The following EXOC6 variants were observed in gnomAD, a reference collection of about 807,000 sequenced individuals.
EXOC6 encodes exocyst complex component 6, also known as SEC15-like 1.
A neutral mutation model predicts 112.5 loss-of-function variants in EXOC6; 60 were observed. The observed-to-expected ratio is 0.53, with a 90% confidence interval of 0.43 to 0.66. EXOC6 has a LOEUF of 0.66. Ranked by LOEUF, EXOC6 falls within the 30% of genes least tolerant of loss-of-function variation. The probability of loss-of-function intolerance (pLI) is 0.00; values close to 1 mark genes in which losing one functional copy is unlikely to be tolerated. For missense variants in EXOC6, 855 were observed against 957.1 expected (o/e 0.89, Z 1.41); for synonymous variants, 295 against 308.0 (o/e 0.96, Z 0.44).
chr10:92,991,189 G>C (rs1843224584), intron 18 of EXOC6, among the ~76,000 whole-genome samples: 1 of 150,622 alleles, frequency 6.6e-6, no homozygotes, highest in African/African-American at 2.4e-5. Context: ...TGTAATCCCA[G>C]CACTTTGGGA....
At chr10:92,893,897 G>A (rs1161314407) in intron 2 of EXOC6, among the ~76,000 whole-genome samples, 1 of 152,068 alleles carries the variant, frequency 6.6e-6, no homozygotes, top group Admixed American at 6.6e-5. Flanking sequence ...TATGTTCTCA[G>A]CATTATTTAA....
chr10:92,958,562 C>T (rs992187843), intron 17 of EXOC6, among the ~76,000 whole-genome samples: 2 of 152,174 alleles, frequency 1.3e-5, no homozygotes, highest in Non-Finnish European at 2.9e-5. Flanking sequence ...AGTAAATTGT[C>T]TTTAAGGGCT....
chr10:92,904,142 T>G (rs553472977), intron 5 of EXOC6, among the ~76,000 whole-genome samples: 1 of 152,114 alleles, frequency 6.6e-6, no homozygotes, highest in African/African-American at 2.4e-5. Context: ...TGATAACTTA[T>G]TTCTTTTTTA....
At chr10:93,018,877 AGACCCT>A (rs1289671424) in intron 20 of EXOC6, among the ~76,000 whole-genome samples, 1 of 151,778 alleles carries the variant, frequency 6.6e-6, no homozygotes, top group Non-Finnish European at 1.5e-5. Flanking sequence ...AAAAAATAAA[AGACCCT>A]GACAAATGCT....
intron 19 of EXOC6, among the ~76,000 whole-genome samples, chr10:93,003,194 T>G (rs911849224): frequency 6.6e-6 from 1 of 152,216 alleles, no homozygotes; most frequent in African/African-American, 2.4e-5. Flanking sequence ...TATTTTCCCA[T>G]TCTTGTTACT....
chr10:92,936,637 C>A (rs1268429457), intron 12 of EXOC6, among the ~76,000 whole-genome samples: 4 of 152,148 alleles, frequency 2.6e-5, no homozygotes, highest in Admixed American at 1.3e-4. Context: ...TAAGATTTTT[C>A]TTTTTATTGG....
Position 92,899,660 on chromosome 10 carries a change from T to C in EXOC6, c.458+16T>C, listed in dbSNP as rs762651318. 3.1e-6 allele frequency: 5 copies of C among 1,596,650 alleles called. No homozygotes were observed. Among genetic ancestry groups the C allele is most frequent in the East Asian group, 4.5e-5 (2 of 44,518 alleles). ...GTGCCAAAAGGTGAGTTGGTTTTTT[T>C]CCTATTGTTTTAAATAAGAATTTTT... On this transcript the variant is annotated intron_variant, in intron 5 of 21. Coordinates refer to ENST00000260762, the MANE Select transcript of EXOC6 (RefSeq NM_019053.6).
upstream of EXOC6, among the ~76,000 whole-genome samples, chr10:92,830,367 A>G (rs1257931506): frequency 6.6e-6 from 1 of 152,178 alleles, no homozygotes; most frequent in Non-Finnish European, 1.5e-5. Context: ...TTCCAGTTCT[A>G]GAGGGACAGG....
At chr10:92,959,071 C>T (rs190479846) in intron 17 of EXOC6, among the ~76,000 whole-genome samples, 14 of 151,966 alleles carry the variant, frequency 9.2e-5, no homozygotes, top group African/African-American at 2.9e-4. Context: ...TCCAGCCTGG[C>T]GGTAGAGTGA....
intron 20 of EXOC6, among the ~76,000 whole-genome samples, chr10:93,056,486 C>T (rs1040171358): frequency 3.9e-5 from 6 of 152,042 alleles, no homozygotes; most frequent in African/African-American, 7.2e-5. Flanking sequence ...GTGCAAACAG[C>T]GTCCTTGAAA....
chr10:93,039,973 GT>G (rs1326560961), intron 20 of EXOC6, among the ~76,000 whole-genome samples: 3 of 152,228 alleles, frequency 2.0e-5, no homozygotes, highest in African/African-American at 7.2e-5. Flanking sequence ...TGTTCCCCTG[GT>G]TCCTCATTTC....
chr10:92,846,208 G>A (rs2133604312), upstream of EXOC6, among the ~76,000 whole-genome samples: 1 of 152,362 alleles, frequency 6.6e-6, no homozygotes, highest in African/African-American at 2.4e-5. Context: ...AAGCAGGGCT[G>A]GTTTCCCAGA....
At chr10:92,996,127 T>C (rs910502700) in intron 18 of EXOC6, among the ~76,000 whole-genome samples, 1 of 152,188 alleles carries the variant, frequency 6.6e-6, no homozygotes, top group Non-Finnish European at 1.5e-5. Flanking sequence ...CAAATATGAC[T>C]GGGTAAATAT....
chr10:92,976,203 A>G (rs1842595539), intron 18 of EXOC6, among the ~76,000 whole-genome samples: 1 of 152,134 alleles, frequency 6.6e-6, no homozygotes, highest in African/African-American at 2.4e-5. Context: ...ACGGGCCATG[A>G]TGACAGTGGC....
chr10:92,901,504 G>T (rs981461924), intron 5 of EXOC6: 6 of 151,018 alleles, frequency 4.0e-5, no homozygotes, highest in Non-Finnish European at 5.9e-5. Flanking sequence ...TCATTTTGAT[G>T]CACAAATTGT....
At chr10:92,925,326 G>C (rs978763974) in intron 8 of EXOC6, among the ~76,000 whole-genome samples, 1 of 151,640 alleles carries the variant, frequency 6.6e-6, no homozygotes, top group Admixed American at 6.6e-5. Flanking sequence ...ACAGAGTCGT[G>C]CTCTGTTGCC....
At chr10:93,013,410 A>G (rs1181756733) in intron 19 of EXOC6, among the ~76,000 whole-genome samples, 1 of 152,154 alleles carries the variant, frequency 6.6e-6, no homozygotes, top group Non-Finnish European at 1.5e-5. Flanking sequence ...GTTCAAGACC[A>G]GCCTGGGCAA....
rs111312946 is a variant in EXOC6 at position 92,836,816 on chromosome 10, G to A, written c.86+1992G>A. Among the ~76,000 whole-genome samples, 1,317 of 152,162 alleles carry A rather than the reference G, an allele frequency of 8.7e-3. 11 individuals carry two copies. Among genetic ancestry groups the A allele is most frequent in the Non-Finnish European group, 0.012 (833 of 68,006 alleles). On this transcript the variant is annotated intron_variant, in intron 1 of 21. Transcript: ENST00000371552. ...TCAGCTCATGTGGCCAAATACGAGG[G>A]TTGAAAAATAATGACAGGACTCTCA...
At chr10:92,871,700 A>G (rs1490356402) in intron 1 of EXOC6, among the ~76,000 whole-genome samples, 1 of 151,700 alleles carries the variant, frequency 6.6e-6, no homozygotes, top group Non-Finnish European at 1.5e-5. Flanking sequence ...CCAGCTACTC[A>G]GGAGGCTGAG....
Sources: gnomAD v4.1 joint callset for allele counts (sites outside exome capture counted in the v4.1 genomes callset) on GRCh38, gnomAD v4.1.1 for gene constraint, MANE v1.5 for transcripts, NCBI Gene and HGNC (gene_info 2026-07-23, HGNC 2026-07-21) for gene names.